The following HEATR5B variants were observed in gnomAD, a reference collection of about 807,000 sequenced individuals.
The protein encoded by HEATR5B is HEAT repeat-containing protein 5B.
A neutral mutation model predicts 224.1 loss-of-function variants in HEATR5B; 156 were observed. That is an observed-to-expected ratio of 0.70 (90% CI 0.61 to 0.80). The LOEUF (loss-of-function observed/expected upper bound fraction) is 0.80. HEATR5B is among the 30% of genes least tolerant of loss of function. The pLI is 0.00. For missense variants in HEATR5B, 2,323 were observed against 2,535.5 expected, an observed-to-expected ratio of 0.92 and a Z score of 1.80; for synonymous variants, 1,027 against 893.0, an observed-to-expected ratio of 1.15 and a Z score of -2.68.
In HEATR5B at chr2:37,054,190, C is replaced by CTTTTTTTTTTTTT. The variant is rs1242821499; in HGVS notation, c.2400-584_2400-583insAAAAAAAAAAAAA. Among the ~76,000 whole-genome samples the CTTTTTTTTTTTTT allele has an allele frequency of 4.3e-5, 4 of 93,742 alleles. 1 individual carries two copies. The highest frequency in any genetic ancestry group is 4.6e-5 in the African/African-American group (1 of 21,696). 61.5% of individuals were successfully genotyped at this position (93,742 alleles called of 152,430 possible). A position where few individuals can be genotyped will look rare whatever the true frequency, so the allele number is the denominator to read the frequency against. ...TCCATGGCCATCTTAGATGATTTCT[C>CTTTTTTTTTTTTT]TGTTTTTTTTTTTTTTTTTTTGAGA... On this transcript the variant is annotated intron_variant, in intron 16 of 35. Coordinates refer to ENST00000233099, the MANE Select transcript of HEATR5B (RefSeq NM_019024.3).
chr2:36,992,070 C>G (rs148774485), intron 33 of HEATR5B, among the ~76,000 whole-genome samples: 3 of 151,990 alleles, frequency 2.0e-5, no homozygotes, highest in Non-Finnish European at 4.4e-5. Flanking sequence ...TGGTGGCACA[C>G]GCCTGTAATC....
chr2:37,009,256 C>CAAAAAAAAA (rs57022846), intron 27 of HEATR5B, among the ~76,000 whole-genome samples: 5 of 65,666 alleles, frequency 7.6e-5, no homozygotes, highest in Admixed American at 1.8e-4. Context: ...GACTCTGTCT[C>CAAAAAAAAA]AAAAAAAAAA....
intron 33 of HEATR5B, among the ~76,000 whole-genome samples, chr2:36,999,833 G>A (rs1392288187): frequency 6.6e-6 from 1 of 151,794 alleles, no homozygotes; most frequent in Non-Finnish European, 1.5e-5. Context: ...CCAACACGGT[G>A]AAACCACGTC....
At chr2:37,003,394 T>C (rs938602826) in intron 31 of HEATR5B, 148 bp downstream of exon 31, 2 of 496,928 alleles carry the variant, frequency 4.0e-6, no homozygotes, top group African/African-American at 2.0e-5. Context: ...TATAATCACA[T>C]CATTGCGCTC....
intron 26 of HEATR5B, among the ~76,000 whole-genome samples, chr2:37,016,901 A>G (rs1668150746): frequency 6.6e-6 from 1 of 152,234 alleles, no homozygotes; most frequent in African/African-American, 2.4e-5. Flanking sequence ...TTAAAATGCC[A>G]GTCAAAACTG....
intron 8 of HEATR5B, 93 bp downstream of exon 8, chr2:37,068,588 T>G: frequency 7.6e-7 from 1 of 1,319,354 alleles, no homozygotes; most frequent in South Asian, 1.4e-5. Flanking sequence ...CACAGAAAGA[T>G]AAACTAATCA....
chr2:37,005,625 A>T lies in HEATR5B; in HGVS notation c.4905+7T>A. 6.2e-7 allele frequency: 1 copy of T among 1,613,186 alleles called. No homozygotes were observed. Among genetic ancestry groups the T allele is most frequent in the Non-Finnish European group, 8.5e-7 (1 of 1,179,360 alleles). On this transcript the variant is annotated splice_region_variant and intron_variant, in intron 30 of 35. Transcript: ENST00000233099. ...ACACAAGTATCTATCATAGCAATAC[A>T]CTGTACCTGATCTTCTGCAATATGG...
intron 22 of HEATR5B, among the ~76,000 whole-genome samples, chr2:37,032,350 TA>T (rs1337062390): frequency 3.9e-5 from 6 of 152,078 alleles, no homozygotes; most frequent in African/African-American, 1.4e-4. Flanking sequence ...ACTGTAACCT[TA>T]AACCCTTGGG....
In HEATR5B at chr2:37,000,709, C is replaced by G. The variant is rs1667034291; in HGVS notation, c.5422G>C (p.Ala1808Pro). 6.2e-7 allele frequency: 1 copy of G among 1,614,122 alleles called. No individual in the cohort carries two copies. Among genetic ancestry groups the G allele is most frequent in the Non-Finnish European group, 8.5e-7 (1 of 1,179,968 alleles). Residue 1808 changes from alanine to proline, a missense_variant, in exon 33 of 36, where the codon GCT (alanine) becomes CCT (proline). By Grantham distance (27) the Ala-to-Pro change is conservative. Coordinates refer to ENST00000233099, the MANE Select transcript of HEATR5B (RefSeq NM_019024.3). ...ACAATACTTTTAATCCCTTGAAGAG[C>G]TGCACTGACTGGTGGAGGAACCTGA... The part of the protein sequence containing the change: ...DNQVPPPVSA[A>P]LQGIKSIVTL...
At chr2:37,030,490 T>C (rs902506707) in intron 22 of HEATR5B, among the ~76,000 whole-genome samples, 27 of 152,132 alleles carry the variant, frequency 1.8e-4, no homozygotes, top group African/African-American at 5.6e-4. Flanking sequence ...AGAAAATTAA[T>C]TGGTTAGAGG....
chr2:36,994,897 C>A (rs1666585651), intron 33 of HEATR5B, among the ~76,000 whole-genome samples: 1 of 151,542 alleles, frequency 6.6e-6, no homozygotes, highest in Non-Finnish European at 1.5e-5. Flanking sequence ...ATTACAGGTG[C>A]CTGCCACCAC....
chr2:37,035,906 G>A (rs2110996), intron 21 of HEATR5B, among the ~76,000 whole-genome samples: 77,051 of 151,882 alleles, frequency 0.51, 19,758 homozygotes, highest in East Asian at 0.66. Flanking sequence ...CTCCTCCTCC[G>A]ATGTTGCCAA....
At chr2:36,986,906 C>G (rs188159006) in intron 35 of HEATR5B, among the ~76,000 whole-genome samples, 1 of 151,202 alleles carries the variant, frequency 6.6e-6, no homozygotes, top group Non-Finnish European at 1.5e-5. Flanking sequence ...CATGAGCCAC[C>G]GCGTGCAGCT....
intron 2 of HEATR5B, among the ~76,000 whole-genome samples, chr2:37,082,924 T>TAA (rs35197387): frequency 7.1e-6 from 1 of 141,524 alleles, no homozygotes; most frequent in African/African-American, 2.6e-5. Context: ...AAAAACAGAT[T>TAA]AAAAAAAAAA....
At position 37,028,065 on chromosome 2, in the gene HEATR5B, T is replaced by C; in HGVS notation, c.3711A>G (p.Ser1237=). Residue 1237 remains serine (S), a synonymous_variant, in exon 24 of 36, where the codon TCA becomes TCG. Transcript: ENST00000233099. ...CCCAGCGAGGGGCCACAAAGGGCTT[T>C]GATTTATCTTCTTCACCTAACGTGG... ...MFTTLGEEDK[S]KPFVAPRWAT... The C allele has an allele frequency of 6.2e-7, 1 of 1,614,148 alleles. No homozygotes were observed. Among genetic ancestry groups the C allele is most frequent in the Non-Finnish European group, 8.5e-7 (1 of 1,179,962 alleles).
chr2:36,994,972 G>A (rs533367246), intron 33 of HEATR5B, among the ~76,000 whole-genome samples: 65 of 151,864 alleles, frequency 4.3e-4, no homozygotes, highest in Admixed American at 1.7e-3. Context: ...GGATGGTCTC[G>A]ATCTCCTGAC....
chr2:36,997,128 CT>C (rs2148356876), intron 33 of HEATR5B, among the ~76,000 whole-genome samples: 1 of 152,142 alleles, frequency 6.6e-6, no homozygotes, highest in Non-Finnish European at 1.5e-5. Context: ...TTTCAGCTGT[CT>C]TTTTTTCATC....
chr2:36,996,562 A>G (rs7558569), intron 33 of HEATR5B, among the ~76,000 whole-genome samples: 149,047 of 151,876 alleles, frequency 0.98, 73,153 homozygotes, highest in East Asian at 1. Flanking sequence ...AATTACAGGC[A>G]CCTGCCACCA....
chr2:36,984,419 G>T (rs1240997709), intron 35 of HEATR5B, among the ~76,000 whole-genome samples: 3 of 151,404 alleles, frequency 2.0e-5, no homozygotes, highest in Non-Finnish European at 4.4e-5. Flanking sequence ...TAGCATTTCC[G>T]TATAGAATTC....
Sources: gnomAD v4.1 joint callset for allele counts (sites outside exome capture counted in the v4.1 genomes callset) on GRCh38, gnomAD v4.1.1 for gene constraint, MANE v1.5 for transcripts, NCBI Gene and HGNC (gene_info 2026-07-23, HGNC 2026-07-21) for gene names.